Variants in RAI2 observed in about 807,000 individuals in gnomAD.
RAI2 encodes the protein retinoic acid induced 2.
A neutral mutation model predicts 15.3 loss-of-function variants in RAI2; 5 were observed. The observed-to-expected ratio is 0.33, with a 90% CI of 0.17 to 0.69. The LOEUF (loss-of-function observed/expected upper bound fraction) is 0.69. Ranked by LOEUF, RAI2 falls within the 30% of genes least tolerant of loss-of-function variation. The probability of loss-of-function intolerance (pLI) is 0.69; values close to 1 mark genes in which losing one functional copy is unlikely to be tolerated. For missense variants in RAI2, 424 were observed against 424.7 expected (o/e 1.00, Z 0.01); for synonymous variants, 191 against 184.0 (o/e 1.04, Z -0.31).
At chrX:17,852,256 A>T (rs149543389) in intron 1 of RAI2, among the ~76,000 whole-genome samples, 1,377 of 112,267 alleles carry the variant, frequency 0.012, 5 homozygotes, top group Middle Eastern at 0.051. Context: ...ACTCTTCAAG[A>T]GATGCTGGAA....
At chrX:17,844,471 C>T (rs2067434300) in intron 1 of RAI2, among the ~76,000 whole-genome samples, 1 of 112,880 alleles carries the variant, frequency 8.9e-6, no homozygotes, top group Non-Finnish European at 1.9e-5. Flanking sequence ...GTGCCAAGAA[C>T]AGGTTACTGG....
intron 1 of RAI2, among the ~76,000 whole-genome samples, chrX:17,856,249 C>G (rs1263960344): frequency 8.9e-6 from 1 of 112,066 alleles, no homozygotes; most frequent in African/African-American, 3.2e-5. Context: ...GGCCCTGGGA[C>G]CATGCATAGT....
At chrX:17,842,272 G>C (rs1482286131) in intron 1 of RAI2, among the ~76,000 whole-genome samples, 1 of 111,769 alleles carries the variant, frequency 8.9e-6, no homozygotes, top group Non-Finnish European at 1.9e-5. Flanking sequence ...CCAGTGGACA[G>C]AGGGAGGCTT....
intron 1 of RAI2, among the ~76,000 whole-genome samples, chrX:17,818,281 A>G (rs186376425): frequency 8.9e-6 from 1 of 112,437 alleles, no homozygotes; most frequent in East Asian, 2.8e-4. Context: ...ACTCAGGGCT[A>G]TGGTGTCTGT....
intron 1 of RAI2, among the ~76,000 whole-genome samples, chrX:17,832,100 A>G (rs2067287995): frequency 8.9e-6 from 1 of 112,252 alleles, no homozygotes; most frequent in African/African-American, 3.2e-5. Context: ...GTTGTTACCA[A>G]TCTATCCCCC....
intron 1 of RAI2, among the ~76,000 whole-genome samples, chrX:17,814,577 C>T (rs770364420): frequency 1.8e-5 from 2 of 108,259 alleles, no homozygotes; most frequent in Non-Finnish European, 3.8e-5. Context: ...CTTCTGTAAC[C>T]CCTGTGAAGA....
chrX:17,844,034 C>T (rs1416792951), intron 1 of RAI2, among the ~76,000 whole-genome samples: 1 of 111,963 alleles, frequency 8.9e-6, no homozygotes, highest in Non-Finnish European at 1.9e-5. Context: ...GACAGCTTGG[C>T]GAGTATTCAA....
chrX:17,800,375 C>T lies in RAI2; in HGVS notation c.*43G>A. On this transcript the variant is annotated 3_prime_UTR_variant, in exon 2 of 2. Coordinates refer to ENST00000451717, the MANE Select transcript of RAI2 (RefSeq NM_021785.6). ...ATGCCTTTTTATAAAACCAATGCAC[C>T]TTTCCCCATATTATAATCATACAAA... 8.8e-7 allele frequency: 1 copy of T among 1,133,948 alleles called. No homozygotes were observed. Among genetic ancestry groups the T allele is most frequent in the Non-Finnish European group, 1.2e-6 (1 of 853,411 alleles). The allele number at this position is 1,133,948 out of a possible 1,213,427, so 93.5% of individuals were successfully genotyped here.
intron 1 of RAI2, among the ~76,000 whole-genome samples, chrX:17,841,007 T>A (rs953838225): frequency 8.9e-6 from 1 of 112,191 alleles, no homozygotes; most frequent in Non-Finnish European, 1.9e-5. Context: ...TGACTTTGTT[T>A]GTGAGTGTTT....
chrX:17,816,825 G>C (rs1451550233), intron 1 of RAI2, among the ~76,000 whole-genome samples: 1 of 111,595 alleles, frequency 9.0e-6, no homozygotes, highest in Non-Finnish European at 1.9e-5. Context: ...AGTTGGGTGT[G>C]GCCATGTGCC....
chrX:17,849,445 C>A (rs1014966548), intron 1 of RAI2, among the ~76,000 whole-genome samples: 3 of 112,329 alleles, frequency 2.7e-5, no homozygotes, highest in African/African-American at 9.7e-5. Flanking sequence ...CTAAACGTAT[C>A]CAAGCCTCTG....
At chrX:17,842,240 T>G (rs185923808) in intron 1 of RAI2, among the ~76,000 whole-genome samples, 79 of 111,287 alleles carry the variant, frequency 7.1e-4, no homozygotes, top group African/African-American at 2.5e-3. Context: ...CCACAGTCCA[T>G]GGAAAACCAG....
intron 1 of RAI2, among the ~76,000 whole-genome samples, chrX:17,828,121 C>T (rs956772767): frequency 2.7e-5 from 3 of 110,948 alleles, no homozygotes; most frequent in South Asian, 3.9e-4. Context: ...GACAGGCCCC[C>T]GCAGCACAAA....
intron 1 of RAI2, among the ~76,000 whole-genome samples, chrX:17,859,215 T>C (rs1228748155): frequency 9.0e-6 from 1 of 111,248 alleles, no homozygotes. Context: ...CCCTCTACTG[T>C]AACAAAGGCA....
In RAI2 at chrX:17,835,537, T is replaced by C. The variant is rs770005113; in HGVS notation, c.-25+25561A>G. 6.3e-5 allele frequency among the ~76,000 whole-genome samples: 7 copies of C among 111,979 alleles called. No individual in the cohort carries two copies. In the East Asian group the frequency reaches 2.0e-3, roughly 31 times the overall value. ...TGCCCTCCACACAGATCAACCAAGATCTGTATCTGCAATTTGACATCTTGC... is the reference window on the plus strand; with the variant it reads ...TGCCCTCCACACAGATCAACCAAGACCTGTATCTGCAATTTGACATCTTGC... On this transcript the variant is annotated intron_variant, in intron 1 of 1. Coordinates refer to ENST00000451717, the MANE Select transcript of RAI2 (RefSeq NM_021785.6).
chrX:17,819,817 G>A (rs5909138), intron 1 of RAI2, among the ~76,000 whole-genome samples: 29 of 112,151 alleles, frequency 2.6e-4, no homozygotes, highest in Non-Finnish European at 4.3e-4. Context: ...GCTCCAGGGA[G>A]GGAGGAGAGG....
intron 1 of RAI2, among the ~76,000 whole-genome samples, chrX:17,840,211 C>T (rs2067381812): frequency 8.9e-6 from 1 of 111,974 alleles, no homozygotes; most frequent in Non-Finnish European, 1.9e-5. Context: ...TACCAATACT[C>T]AGAGGCAGCT....
chrX:17,848,491 TAAA>T (rs369711833), intron 1 of RAI2, among the ~76,000 whole-genome samples: 1 of 89,487 alleles, frequency 1.1e-5, no homozygotes. Flanking sequence ...CACCTGTATC[TAAA>T]AAAAAAAAAA....
At chrX:17,856,305 C>T (rs2067603114) in intron 1 of RAI2, among the ~76,000 whole-genome samples, 1 of 111,793 alleles carries the variant, frequency 8.9e-6, no homozygotes, top group Non-Finnish European at 1.9e-5. Flanking sequence ...AAATCCTAAT[C>T]CCCAACGTGA....
Sources: allele counts gnomAD v4.1 joint callset (sites outside exome capture counted in the v4.1 genomes callset), GRCh38; gene constraint gnomAD v4.1.1; transcripts MANE v1.5; gene names NCBI Gene and HGNC (gene_info 2026-07-23, HGNC 2026-07-21).